GOPC: variants seen among roughly 807,000 people sequenced by gnomAD.
GOPC encodes Golgi-associated PDZ and coiled-coil motif-containing protein.
In GOPC, 32 loss-of-function variants were observed where a neutral mutation model predicts 51.2. The observed-to-expected ratio is 0.63, with a 90% CI of 0.47 to 0.84. The LOEUF (loss-of-function observed/expected upper bound fraction) is 0.84, where lower values mean the gene tolerates loss of function less well. Ranked by LOEUF, GOPC falls within the 40% of genes least tolerant of loss-of-function variation. GOPC has a pLI of 0.00. For missense variants in GOPC, 441 were observed against 555.5 expected (o/e 0.79, Z 2.07); for synonymous variants, 190 against 205.1 (o/e 0.93, Z 0.63).
At chr6:117,573,698 T>C in intron 4 of GOPC, 66 bp from the exon 5 acceptor site, 1 of 1,329,706 alleles carries the variant, frequency 7.5e-7, no homozygotes, top group Non-Finnish European at 1.0e-6. Flanking sequence ...TTCAGGAAAA[T>C]TAGTGAACAT....
intron 1 of GOPC, among the ~76,000 whole-genome samples, chr6:117,600,849 G>A (rs1246980428): frequency 6.6e-6 from 1 of 152,144 alleles, no homozygotes; most frequent in Non-Finnish European, 1.5e-5. Flanking sequence ...AAGGATAGAA[G>A]AAATTAACAG....
Position 117,562,861 on chromosome 6 carries a change from T to A in GOPC, c.*393A>T, listed in dbSNP as rs1583046433. On this transcript the variant is annotated 3_prime_UTR_variant, in exon 9 of 9. Transcript: ENST00000368498. Reference sequence around the variant, plus strand: ...AGTTAACATTCTAGAATATAAAATATGAATTCACTTACTCTCTGTATTTTA... The same window carrying A: ...AGTTAACATTCTAGAATATAAAATAAGAATTCACTTACTCTCTGTATTTTA... 1 of 220,382 alleles carries A rather than the reference T, an allele frequency of 4.5e-6. No individual in the cohort carries two copies. The highest frequency in any genetic ancestry group is 9.1e-6 in the Non-Finnish European group (1 of 110,056). The allele number at this position is 220,382 out of a possible 1,614,324, so 13.7% of individuals were successfully genotyped here. A position where few individuals can be genotyped will look rare whatever the true frequency, so the allele number is the denominator to read the frequency against.
Position 117,563,105 on chromosome 6 carries a change from A to G in GOPC, c.*149T>C. On this transcript the variant is annotated 3_prime_UTR_variant, in exon 9 of 9. Transcript: ENST00000368498. Reference sequence around the variant, plus strand: ...AGAAAACAGGGTGTTTTATGCATTGAGAATTGTTCACATGAAGCCCTGAGG... The same window carrying G: ...AGAAAACAGGGTGTTTTATGCATTGGGAATTGTTCACATGAAGCCCTGAGG... 1 of 664,042 alleles carries G rather than the reference A, an allele frequency of 1.5e-6. No individual in the cohort carries two copies. Among genetic ancestry groups the G allele is most frequent in the Non-Finnish European group, 2.6e-6 (1 of 382,594 alleles). 41.1% of individuals were successfully genotyped at this position (664,042 alleles called of 1,614,324 possible).
intron 3 of GOPC, among the ~76,000 whole-genome samples, chr6:117,577,217 G>A (rs1779895928): frequency 1.3e-5 from 2 of 152,114 alleles, no homozygotes; most frequent in Middle Eastern, 6.8e-3. Context: ...AAATTGACAG[G>A]CTCTGCAAAT....
intron 6 of GOPC, 117 bp downstream of exon 6, chr6:117,570,743 A>C: frequency 2.4e-6 from 1 of 424,050 alleles, no homozygotes; most frequent in East Asian, 3.5e-5. Flanking sequence ...CATGGGGATA[A>C]ATTTTAGTTA....
chr6:117,602,344 G>T lies in GOPC; in HGVS notation c.-56C>A. 1 of 1,488,994 alleles carries T rather than the reference G, an allele frequency of 6.7e-7. No homozygotes were observed. Among genetic ancestry groups the T allele is most frequent in the East Asian group, 2.4e-5 (1 of 40,830 alleles). The allele number at this position is 1,488,994 out of a possible 1,614,324, so 92.2% of individuals were successfully genotyped here. ...AAGACCCTCGCCGCCCCCCGCGCAC[G>T]AAGGGAACTGCTGGGACTGAGGGGA... On this transcript the variant is annotated 5_prime_UTR_variant, in exon 1 of 9. Coordinates refer to ENST00000368498, the MANE Select transcript of GOPC (RefSeq NM_020399.4).
chr6:117,570,878 G>C lies in GOPC; in HGVS notation c.894C>G (p.Gly298=), dbSNP rs1779795287. The stretch of plus-strand genomic sequence containing the variant: ...TTCTTACTGTAATTGAAATGCCAAG[G>C]CCTTCATGATCTTCCTTAAGGAGGA... ...KVLLLKEDHE[G]LGISITGGKE... is the part of the protein sequence containing the mutation. The change falls in exon 6 of 9, where the codon GGC becomes GGG. Residue 298 remains glycine, a synonymous_variant. Transcript: ENST00000368498. 4 of 1,570,156 alleles carry C rather than the reference G, an allele frequency of 2.5e-6. No individual in the cohort carries two copies. The highest frequency in any genetic ancestry group is 8.7e-7 in the Non-Finnish European group (1 of 1,148,064).
At chr6:117,584,526 G>A (rs911754890) in intron 1 of GOPC, among the ~76,000 whole-genome samples, 1 of 152,136 alleles carries the variant, frequency 6.6e-6, no homozygotes, top group Non-Finnish European at 1.5e-5. Context: ...TACTGATAAA[G>A]AGATGCACAG....
chr6:117,578,392 C>T (rs775466081), intron 2 of GOPC, among the ~76,000 whole-genome samples: 5 of 152,078 alleles, frequency 3.3e-5, no homozygotes, highest in Non-Finnish European at 5.9e-5. Flanking sequence ...GCCTGAAATG[C>T]AGACATGAAG....
Position 117,560,285 on chromosome 6 carries a change from CAA to C in GOPC, c.*2967_*2968del, listed in dbSNP as rs528778155. On this transcript the variant is annotated 3_prime_UTR_variant, in exon 9 of 9. Transcript: ENST00000368498. ...GCCAAAATATTTAACGTCAAGGAAA[CAA>C]AATGTTTATTTAAAAAAATGAGATC... 6 of 174,774 alleles carry C rather than the reference CAA, an allele frequency of 3.4e-5. No individual in the cohort carries two copies. In the East Asian group the frequency reaches 6.0e-4, roughly 18 times the overall value. 10.8% of individuals were successfully genotyped at this position (174,774 alleles called of 1,614,324 possible). A position where few individuals can be genotyped will look rare whatever the true frequency, so the allele number is the denominator to read the frequency against.
intron 1 of GOPC, among the ~76,000 whole-genome samples, chr6:117,594,815 A>G (rs1353238323): frequency 6.6e-6 from 1 of 152,240 alleles, no homozygotes; most frequent in Non-Finnish European, 1.5e-5. Context: ...GAGGATGTGA[A>G]AGAAGGTGTA....
At chr6:117,601,929 G>T in intron 1 of GOPC, 75 bp downstream of exon 1, 2 of 1,501,034 alleles carry the variant, frequency 1.3e-6, no homozygotes, top group Non-Finnish European at 9.1e-7. Context: ...TCGTTTCACT[G>T]GAGCGTTAAA....
chr6:117,577,526 T>C (rs1392094427), intron 2 of GOPC, 55 bp from the exon 3 acceptor site: 15 of 1,374,626 alleles, frequency 1.1e-5, no homozygotes, highest in Middle Eastern at 1.9e-4. Flanking sequence ...CAAATGATTT[T>C]ATTTAGTGGT....
intron 8 of GOPC, among the ~76,000 whole-genome samples, chr6:117,565,854 C>T (rs955710859): frequency 2.0e-5 from 3 of 152,138 alleles, no homozygotes; most frequent in African/African-American, 7.2e-5. Context: ...AAATTGTCTT[C>T]CATGAAGAAA....
intron 7 of GOPC, 68 bp downstream of exon 7, chr6:117,569,504 G>T (rs1225379686): frequency 1.3e-6 from 2 of 1,568,026 alleles, no homozygotes; most frequent in East Asian, 4.8e-5. Flanking sequence ...TCGTAGGGAA[G>T]TATACAGTGT....
chr6:117,573,453 CA>C lies in GOPC; in HGVS notation c.816+13del. On this transcript the variant is annotated intron_variant, in intron 5 of 8. Coordinates refer to ENST00000368498, the MANE Select transcript of GOPC (RefSeq NM_020399.4). ...GAAGAGGCTGGGTGGGAAGCAGCAG[CA>C]AAGCAAACATACATGGCCTGGTGGT... The C allele has an allele frequency of 6.2e-7, 1 of 1,604,934 alleles. No individual in the cohort carries two copies. The highest frequency in any genetic ancestry group is 8.5e-7 in the Non-Finnish European group (1 of 1,174,986).
At chr6:117,591,798 G>C (rs984847530) in intron 1 of GOPC, among the ~76,000 whole-genome samples, 1 of 152,136 alleles carries the variant, frequency 6.6e-6, no homozygotes, top group Non-Finnish European at 1.5e-5. Context: ...TTGAATTTTA[G>C]AGAGATACAG....
At chr6:117,591,342 T>C (rs1436690296) in intron 1 of GOPC, among the ~76,000 whole-genome samples, 1 of 152,238 alleles carries the variant, frequency 6.6e-6, no homozygotes, top group East Asian at 1.9e-4. Context: ...GCCTTCTAAA[T>C]CAGCTTCACA....
At chr6:117,574,474 C>T (rs986591886) in intron 4 of GOPC, among the ~76,000 whole-genome samples, 3 of 152,156 alleles carry the variant, frequency 2.0e-5, no homozygotes, top group East Asian at 3.9e-4. Flanking sequence ...AATACCAACA[C>T]GTTTTTTTGA....
Sources: gnomAD v4.1 joint callset for allele counts (sites outside exome capture counted in the v4.1 genomes callset) on GRCh38, gnomAD v4.1.1 for gene constraint, MANE v1.5 for transcripts, NCBI Gene and HGNC (gene_info 2026-07-23, HGNC 2026-07-21) for gene names.